SGCD: variants seen among roughly 807,000 people sequenced by gnomAD.
SGCD encodes sarcoglycan delta, also known as delta-sarcoglycan.
In SGCD, 18 loss-of-function variants were observed where a neutral mutation model predicts 36.6. That is an observed-to-expected ratio of 0.49 (90% confidence interval 0.34 to 0.73). The LOEUF is 0.73. Among genes scored for constraint, SGCD ranks in the 30% least tolerant of loss-of-function variants. The pLI, the probability that SGCD is intolerant of heterozygous loss-of-function variation, is 0.01. For synonymous variants in SGCD, 133 were observed against 130.6 expected (o/e 1.02, Z -0.12); for missense variants, 387 against 346.7 (o/e 1.12, Z -0.92).
At chr5:156,444,064 TTCTCTCTCTCTCTCTC>T (rs535098783) in intron 3 of SGCD, among the ~76,000 whole-genome samples, 184 of 34,494 alleles carry the variant, frequency 5.3e-3, no homozygotes, top group Non-Finnish European at 7.2e-3. Context: ...CTTTCTCTCC[TTCTCTCTCTCTCTCTC>T]TCTCTCTCTC....
At chr5:156,451,109 T>C (rs2127806391) in intron 3 of SGCD, among the ~76,000 whole-genome samples, 1 of 150,382 alleles carries the variant, frequency 6.6e-6, no homozygotes. Context: ...CTTCCCTCTT[T>C]CACCATACTA....
intron 4 of SGCD, among the ~76,000 whole-genome samples, chr5:156,583,972 T>C (rs1338166334): frequency 6.6e-6 from 1 of 152,156 alleles, no homozygotes; most frequent in Non-Finnish European, 1.5e-5. Flanking sequence ...AAAACTCAAA[T>C]GTTGATAGAA....
At chr5:155,910,516 C>G (rs957878683) in intron 1 of SGCD, among the ~76,000 whole-genome samples, 1 of 151,878 alleles carries the variant, frequency 6.6e-6, no homozygotes, top group Non-Finnish European at 1.5e-5. Context: ...GGAATTTTAG[C>G]CAAGGTAGTA....
chr5:155,922,400 C>T (rs1756896411), intron 1 of SGCD, among the ~76,000 whole-genome samples: 1 of 152,130 alleles, frequency 6.6e-6, no homozygotes, highest in African/African-American at 2.4e-5. Context: ...ATTCCTCACA[C>T]TTGAGTTTCT....
intron 4 of SGCD, among the ~76,000 whole-genome samples, chr5:156,549,094 A>C (rs953375858): frequency 3.4e-5 from 5 of 148,752 alleles, no homozygotes; most frequent in Non-Finnish European, 1.5e-5. Flanking sequence ...TGCAGTCTAA[A>C]AATGAAAAAA....
Position 156,572,349 on chromosome 5 carries a change from T to G in SGCD, c.295-16882T>G, listed in dbSNP as rs575598271. Among the ~76,000 whole-genome samples, 4 of 152,318 alleles carry G rather than the reference T, an allele frequency of 2.6e-5. No homozygotes were observed. The South Asian group carries it at 8.3e-4, about 32-fold the overall frequency. ...GCTGTTTTTCATAGCAGTCGCACCC[T>G]TTTACATTCCCACCAGCAGTGTATG... On this transcript the variant is annotated intron_variant, in intron 4 of 8. Coordinates refer to ENST00000337851, the MANE Select transcript of SGCD (RefSeq NM_000337.6).
At chr5:155,955,796 T>C (rs1350665168) in intron 1 of SGCD, among the ~76,000 whole-genome samples, 1 of 152,098 alleles carries the variant, frequency 6.6e-6, no homozygotes, top group Non-Finnish European at 1.5e-5. Context: ...CAAAGATACG[T>C]CAACTAATAG....
chr5:156,019,570 A>G (rs1297865774), intron 1 of SGCD, among the ~76,000 whole-genome samples: 1 of 152,188 alleles, frequency 6.6e-6, no homozygotes. Flanking sequence ...TCTGTCAGGA[A>G]TTTTGGAAAG....
chr5:156,691,998 T>C (rs1299715430), intron 7 of SGCD, among the ~76,000 whole-genome samples: 1 of 152,234 alleles, frequency 6.6e-6, no homozygotes, highest in East Asian at 1.9e-4. Flanking sequence ...GAAATTTTGA[T>C]GTGTGGAACT....
chr5:156,549,878 T>A (rs1328134739), intron 4 of SGCD, among the ~76,000 whole-genome samples: 1 of 152,200 alleles, frequency 6.6e-6, no homozygotes, highest in African/African-American at 2.4e-5. Flanking sequence ...ATCAGGAAAT[T>A]TACCATTTCA....
At chr5:155,730,475 G>GTGTGTGTGTGTGTGT in the SGCD span, among the ~76,000 whole-genome samples, 31 of 151,286 alleles carry the variant, frequency 2.0e-4, no homozygotes, top group Middle Eastern at 3.4e-3. Context: ...GTGTGTGTGT[G>GTGTGTGTGTGTGTGT]GCGAGGGGAA....
intron 7 of SGCD, among the ~76,000 whole-genome samples, chr5:156,743,389 G>A (rs1470828945): frequency 6.6e-6 from 1 of 152,142 alleles, no homozygotes; most frequent in Admixed American, 6.5e-5. Context: ...TGGAATTACA[G>A]GCATGAACCA....
intron 3 of SGCD, among the ~76,000 whole-genome samples, chr5:156,464,678 T>C (rs1248370954): frequency 6.6e-6 from 1 of 152,188 alleles, no homozygotes; most frequent in Non-Finnish European, 1.5e-5. Context: ...ATCCCACTTT[T>C]AGGAGAAAAC....
intron 1 of SGCD, among the ~76,000 whole-genome samples, chr5:156,008,438 C>T (rs935794260): frequency 6.6e-6 from 1 of 152,122 alleles, no homozygotes; most frequent in African/African-American, 2.4e-5. Flanking sequence ...TGCAGTAGCA[C>T]GATCATGGCT....
At chr5:155,799,345 A>T in the SGCD span, among the ~76,000 whole-genome samples, 2,022 of 152,016 alleles carry the variant, frequency 0.013, 56 homozygotes, top group African/African-American at 0.045. Flanking sequence ...TAGAGCCACA[A>T]CCAAAATGCA....
the SGCD span, among the ~76,000 whole-genome samples, chr5:155,855,559 T>G: frequency 6.6e-6 from 1 of 152,214 alleles, no homozygotes; most frequent in Non-Finnish European, 1.5e-5. Flanking sequence ...GCTTGATATA[T>G]CATTGATGTT....
At chr5:156,023,785 G>T (rs577074119) in intron 1 of SGCD, among the ~76,000 whole-genome samples, 1 of 152,168 alleles carries the variant, frequency 6.6e-6, no homozygotes. Context: ...TACATCTTCG[G>T]CTGTCTAACA....
In SGCD at chr5:156,329,612, G is replaced by A. The variant is rs753982328; in HGVS notation, c.3+33G>A. 18 of 1,603,968 alleles carry A rather than the reference G, an allele frequency of 1.1e-5. No homozygotes were observed. The Admixed American group carries it at 3.0e-4, about 27-fold the overall frequency. ...ATTCCCGGGAGCGAAGCTTGTTCAA[G>A]GCCCTGCTCATGGTCATTTTATTAT... On this transcript the variant is annotated intron_variant, in intron 2 of 8. Coordinates refer to ENST00000337851, the MANE Select transcript of SGCD (RefSeq NM_000337.6).
intron 3 of SGCD, among the ~76,000 whole-genome samples, chr5:156,507,607 A>G (rs1756755738): frequency 6.6e-6 from 1 of 152,242 alleles, no homozygotes; most frequent in Admixed American, 6.5e-5. Context: ...AAGCCTCTTG[A>G]TGTAACTACC....
Sources: allele counts gnomAD v4.1 joint callset (sites outside exome capture counted in the v4.1 genomes callset), GRCh38; gene constraint gnomAD v4.1.1; transcripts MANE v1.5; gene names NCBI Gene and HGNC (gene_info 2026-07-23, HGNC 2026-07-21).